Variants in PDE1C observed in about 807,000 individuals in gnomAD.
PDE1C encodes dual specificity calcium/calmodulin-dependent 3',5'-cyclic nucleotide phosphodiesterase 1C.
A neutral mutation model predicts 93.1 loss-of-function variants in PDE1C; 62 were observed. The ratio of observed to expected loss-of-function variants is 0.67; its 90% CI spans 0.54 to 0.82. The LOEUF is 0.82. Among genes scored for constraint, PDE1C ranks in the 40% least tolerant of loss-of-function variants. The pLI is 0.00. For missense variants in PDE1C, 742 were observed against 884.6 expected (o/e 0.84, Z 2.04); for synonymous variants, 325 against 310.1 (o/e 1.05, Z -0.50).
chr7:32,374,113 AAG>A (rs1217197975), intron 1 of PDE1C, among the ~76,000 whole-genome samples: 10 of 16,426 alleles, frequency 6.1e-4, no homozygotes, highest in African/African-American at 1.8e-3. Flanking sequence ...GGAAGGAAGG[AAG>A]GAAGGAGAGA....
At chr7:32,100,709 T>A (rs1797995490) in intron 3 of PDE1C, among the ~76,000 whole-genome samples, 1 of 152,186 alleles carries the variant, frequency 6.6e-6, no homozygotes, top group African/African-American at 2.4e-5. Context: ...CGTGTACCTA[T>A]ACACACACAT....
At chr7:32,354,171 A>G (rs1381812409) in intron 1 of PDE1C, among the ~76,000 whole-genome samples, 2 of 152,240 alleles carry the variant, frequency 1.3e-5, no homozygotes, top group East Asian at 1.9e-4. Context: ...TTTCAGGAGA[A>G]TAAAATACAC....
intron 16 of PDE1C, among the ~76,000 whole-genome samples, chr7:31,779,961 A>C (rs76763931): frequency 0.015 from 2,255 of 152,260 alleles, 62 homozygotes; most frequent in African/African-American, 0.052. Flanking sequence ...CCAGCTTCTA[A>C]ACTGTACTGT....
intron 3 of PDE1C, among the ~76,000 whole-genome samples, chr7:32,152,047 C>G (rs1430722731): frequency 1.3e-5 from 2 of 152,160 alleles, no homozygotes; most frequent in African/African-American, 2.4e-5. Context: ...TCACCATATT[C>G]TAGGTTCCTT....
At chr7:32,321,195 AC>A (rs1173102037) in intron 1 of PDE1C, among the ~76,000 whole-genome samples, 1 of 151,974 alleles carries the variant, frequency 6.6e-6, no homozygotes, top group Non-Finnish European at 1.5e-5. Flanking sequence ...ACAAATTAAG[AC>A]CCCTCATTTC....
At chr7:31,922,092 T>C (rs773322312) in intron 2 of PDE1C, among the ~76,000 whole-genome samples, 15 of 152,210 alleles carry the variant, frequency 9.9e-5, no homozygotes, top group Non-Finnish European at 1.9e-4. Flanking sequence ...TTTATTATAC[T>C]ATCTCTGTAA....
chr7:32,091,464 A>G (rs952855080), intron 3 of PDE1C, among the ~76,000 whole-genome samples: 3 of 152,192 alleles, frequency 2.0e-5, no homozygotes, highest in Non-Finnish European at 4.4e-5. Flanking sequence ...GGGTGGTTAG[A>G]GTTGGCCTCA....
the PDE1C span, among the ~76,000 whole-genome samples, chr7:31,650,345 G>A: frequency 7.9e-5 from 12 of 152,178 alleles, no homozygotes; most frequent in African/African-American, 2.7e-4. Flanking sequence ...ACACAGCCTT[G>A]TGCTGCTGGG....
chr7:31,911,139 C>T (rs1328234901), intron 2 of PDE1C, among the ~76,000 whole-genome samples: 1 of 152,094 alleles, frequency 6.6e-6, no homozygotes, highest in Middle Eastern at 3.2e-3. Flanking sequence ...TAACAACAAT[C>T]ACTCCTGACT....
At position 32,374,851 on chromosome 7, in the gene PDE1C, C is replaced by T. The variant is rs1220879438; in HGVS notation, c.310+52971G>A. On this transcript the variant is annotated intron_variant, in intron 1 of 1. Coordinates refer to the PDE1C transcript ENST00000672256. ...TGATATTACAAGAATTCAATTGTAT[C>T]CCAGCTCATCAGTCTATTTTACATC... Among the ~76,000 whole-genome samples the T allele has an allele frequency of 2.0e-5, 3 of 152,138 alleles. No homozygotes were observed. The East Asian group carries it at 5.8e-4, about 29-fold the overall frequency.
chr7:31,913,454 A>C (rs1801506314), intron 2 of PDE1C, among the ~76,000 whole-genome samples: 1 of 152,184 alleles, frequency 6.6e-6, no homozygotes. Flanking sequence ...TGGGTCATGT[A>C]GGAAGGGAGG....
intron 2 of PDE1C, chr7:32,170,095 T>G: frequency 1.3e-6 from 1 of 742,824 alleles, no homozygotes; most frequent in African/African-American, 1.8e-5. Flanking sequence ...CATTACAGAG[T>G]TGTAACCAGG....
chr7:32,085,508 C>T (rs1289433828), intron 3 of PDE1C, among the ~76,000 whole-genome samples: 1 of 149,474 alleles, frequency 6.7e-6, no homozygotes, highest in East Asian at 1.9e-4. Flanking sequence ...TTTTCTGAGG[C>T]CAGCATCATC....
At chr7:31,711,970 C>T in the PDE1C span, among the ~76,000 whole-genome samples, 3 of 152,278 alleles carry the variant, frequency 2.0e-5, no homozygotes, top group South Asian at 6.2e-4. Flanking sequence ...CTACTCTTTG[C>T]CCCTCACCAC....
chr7:31,873,434 A>G (rs1796173429), intron 5 of PDE1C, 26 bp from the exon 6 acceptor site: 2 of 1,439,176 alleles, frequency 1.4e-6, no homozygotes, highest in Non-Finnish European at 2.0e-6. Flanking sequence ...GGGAGAAAGA[A>G]CACATTAGCC....
intron 2 of PDE1C, among the ~76,000 whole-genome samples, chr7:32,016,040 G>T (rs886792598): frequency 2.0e-5 from 3 of 152,166 alleles, no homozygotes; most frequent in African/African-American, 7.2e-5. Flanking sequence ...GCAACACCCA[G>T]AAGTTACCAC....
rs141098193 is a variant in PDE1C, at chr7:32,047,805, A to T, written c.128+3749T>A. Among the ~76,000 whole-genome samples, 726 of 152,290 alleles carry T rather than the reference A, an allele frequency of 4.8e-3. 5 individuals carry two copies. Among genetic ancestry groups the T allele is most frequent in the African/African-American group, 0.014 (574 of 41,574 alleles). On this transcript the variant is annotated intron_variant, in intron 2 of 17. Transcript: ENST00000396191. The stretch of plus-strand genomic sequence containing the variant: ...AGAAAAGCGTAAACAAATGTAGATT[A>T]TTTTTGTATCCTGGGCTGTCTTCCC...
At chr7:32,173,720 C>T (rs1433294067) in intron 2 of PDE1C, among the ~76,000 whole-genome samples, 1 of 152,142 alleles carries the variant, frequency 6.6e-6, no homozygotes, top group Admixed American at 6.5e-5. Context: ...TTTGTGTGCA[C>T]ATGAGAATTC....
chr7:32,076,137 C>A (rs1271133549), upstream of PDE1C, among the ~76,000 whole-genome samples: 1 of 152,170 alleles, frequency 6.6e-6, no homozygotes, highest in East Asian at 1.9e-4. Context: ...GATTGTCCAA[C>A]CAGAACCATG....
Sources: allele counts gnomAD v4.1 joint callset (sites outside exome capture counted in the v4.1 genomes callset), GRCh38; gene constraint gnomAD v4.1.1; transcripts MANE v1.5; gene names NCBI Gene and HGNC (gene_info 2026-07-23, HGNC 2026-07-21).